The following GGA2 variants were observed in gnomAD, a reference collection of about 807,000 sequenced individuals.
GGA2 encodes the protein ADP-ribosylation factor-binding protein GGA2.
In GGA2, 48 loss-of-function variants were observed where a neutral mutation model predicts 79.5. The ratio of observed to expected loss-of-function variants is 0.60; its 90% CI spans 0.48 to 0.77. The LOEUF is 0.77. Among genes scored for constraint, GGA2 ranks in the 30% least tolerant of loss-of-function variants. GGA2 has a pLI of 0.00. For missense variants in GGA2, 770 were observed against 774.0 expected (o/e 0.99, Z 0.06); for synonymous variants, 317 against 302.0 (o/e 1.05, Z -0.51).
upstream of GGA2, among the ~76,000 whole-genome samples, chr16:23,511,184 ACT>A (rs1368045319): frequency 6.7e-6 from 1 of 149,986 alleles, no homozygotes; most frequent in Admixed American, 6.7e-5. Context: ...ACGGAGTCTC[ACT>A]CTGTCGCCTA....
At chr16:23,511,016 CGTGTGTGTGTGT>C (rs145140640), upstream of GGA2, among the ~76,000 whole-genome samples, 50 of 28,802 alleles carry the variant, frequency 1.7e-3, no homozygotes, top group Non-Finnish European at 1.0e-3. Flanking sequence ...TGGGTTTCAC[CGTGTGTGTGTGT>C]GTGTGTGTGT....
In GGA2 at chr16:23,470,047, G is replaced by C; in HGVS notation, c.1569C>G (p.Ser523Arg). The C allele has an allele frequency of 6.2e-7, 1 of 1,603,666 alleles. No homozygotes were observed. Among genetic ancestry groups the C allele is most frequent in the Non-Finnish European group, 8.5e-7 (1 of 1,175,292 alleles). The change falls in exon 15 of 17, where the codon AGC (serine) becomes AGG (arginine). Residue 523 changes from serine (S) to arginine (R), a missense_variant. Ser to Arg is a moderately radical substitution (Grantham distance 110, BLOSUM62 -1). Coordinates refer to ENST00000309859, the MANE Select transcript of GGA2 (RefSeq NM_015044.4). ...TATCCCAGACAGGCTGGGGAGCCGT[G>C]CTCATCATGGTCAAGAGCAGCACCT... ...EVQVLLLTMM[S>R]TAPQPVWDIM...
upstream of GGA2, among the ~76,000 whole-genome samples, chr16:23,510,948 T>TGTGTGTGTG (rs1965046012): frequency 8.3e-6 from 1 of 121,066 alleles, no homozygotes. Flanking sequence ...TGTGTGTGTG[T>TGTGTGTGTG]TAGAGACTGG....
Position 23,465,584 on chromosome 16 carries a change from G to GGGA in GGA2, c.*2003_*2005dup, listed in dbSNP as rs1764158560. 1 of 607,096 alleles carries GGGA rather than the reference G, an allele frequency of 1.6e-6. No homozygotes were observed. The allele number at this position is 607,096 out of a possible 1,614,324, so 37.6% of individuals were successfully genotyped here. ...CCCATTTTGACCAAAACCCTTCAGAGGGAGATGCTGTCATTATGATGGGTA... is the reference window on the plus strand; with the variant it reads ...CCCATTTTGACCAAAACCCTTCAGAGGGAGGAGATGCTGTCATTATGATGGGTA... On this transcript the variant is annotated 3_prime_UTR_variant, in exon 17 of 17. Transcript: ENST00000309859.
At chr16:23,513,080 T>C (rs1401661171), upstream of GGA2, among the ~76,000 whole-genome samples, 2 of 152,190 alleles carry the variant, frequency 1.3e-5, no homozygotes, top group Non-Finnish European at 2.9e-5. Context: ...GCTTTCCACA[T>C]TTCAACAAAA....
intron 15 of GGA2, chr16:23,469,411 T>C (rs1964482719): frequency 5.8e-6 from 1 of 173,044 alleles, no homozygotes; most frequent in South Asian, 1.5e-4. Flanking sequence ...AAGTAGAGAC[T>C]GCAGGTCATA....
chr16:23,493,371 A>G lies in GGA2; in HGVS notation c.340T>C (p.Leu114=). 6.3e-7 allele frequency: 1 copy of G among 1,597,340 alleles called. No homozygotes were observed. The highest frequency in any genetic ancestry group is 8.6e-7 in the Non-Finnish European group (1 of 1,164,598). ...FRFLNELIKV[L]SPKYLGSWAT... is the part of the protein sequence containing the mutation. ...GCCCAGGTACTCACCTTTGGGGACAACACTTTGATCAGTTCGTTCAGGAAA... is the reference window on the plus strand; with the variant it reads ...GCCCAGGTACTCACCTTTGGGGACAGCACTTTGATCAGTTCGTTCAGGAAA... Residue 114 remains leucine (L), a synonymous_variant, in exon 4 of 17, where the codon TTG becomes CTG. Coordinates refer to ENST00000309859, the MANE Select transcript of GGA2 (RefSeq NM_015044.4).
chr16:23,495,387 A>G (rs1272128953), intron 2 of GGA2: 3 of 195,408 alleles, frequency 1.5e-5, no homozygotes, highest in Admixed American at 1.2e-4. Context: ...TTTCCCCCAC[A>G]TGAATTTGCT....
intron 10 of GGA2, among the ~76,000 whole-genome samples, 168 bp from the exon 11 acceptor site, chr16:23,480,055 G>A (rs370615038): frequency 3.3e-5 from 5 of 152,284 alleles, no homozygotes; most frequent in African/African-American, 9.6e-5. Flanking sequence ...AAGCTCAGCT[G>A]GCATCCAAGA....
chr16:23,484,244 C>T (rs1360124891), intron 8 of GGA2, among the ~76,000 whole-genome samples: 1 of 149,530 alleles, frequency 6.7e-6, no homozygotes, highest in East Asian at 2.0e-4. Context: ...CCTGTCTCTA[C>T]TTAAAAAAAA....
At chr16:23,517,782 G>T (rs1965110515) in intron 2 of GGA2, among the ~76,000 whole-genome samples, 1 of 152,008 alleles carries the variant, frequency 6.6e-6, no homozygotes, top group Non-Finnish European at 1.5e-5. Flanking sequence ...TGTGTTTTTA[G>T]TAGAGACAGG....
In GGA2 at chr16:23,471,171, CACTT is replaced by C. The variant is rs561214585; in HGVS notation, c.1451-1010_1451-1007del. Among the ~76,000 whole-genome samples the C allele has an allele frequency of 9.9e-5, 15 of 152,136 alleles. 1 individual carries two copies. In the South Asian group the frequency reaches 2.9e-3, roughly 30 times the overall value. On this transcript the variant is annotated intron_variant, in intron 14 of 16. Transcript: ENST00000309859. The stretch of plus-strand genomic sequence containing the variant: ...ATTCTTAATTCTACCCAGAAATAAG[CACTT>C]ACTTCCTTCTGGTCTCTTTTATATG...
rs1014136192 is a variant in GGA2, at chr16:23,465,844, G to A, written c.*1746C>T. ...TAGTCCCAGCTACTCGAGAGGCTGA[G>A]GCACGAGAATCGCTTGAACCTGGTA... On this transcript the variant is annotated 3_prime_UTR_variant, in exon 17 of 17. Coordinates refer to ENST00000309859, the MANE Select transcript of GGA2 (RefSeq NM_015044.4). The A allele has an allele frequency of 6.0e-6, 1 of 165,874 alleles. No individual in the cohort carries two copies. The highest frequency in any genetic ancestry group is 1.3e-5 in the Non-Finnish European group (1 of 75,638). The allele number at this position is 165,874 out of a possible 1,614,324, so 10.3% of individuals were successfully genotyped here.
chr16:23,467,440 T>A lies in GGA2; in HGVS notation c.*150A>T. On this transcript the variant is annotated 3_prime_UTR_variant, in exon 17 of 17. Transcript: ENST00000309859. ...CACACACACACACACACACAGAGCA[T>A]CTGCAGAATAAGTCAGAGGTTGACA... 4 of 442,776 alleles carry A rather than the reference T, an allele frequency of 9.0e-6. No individual in the cohort carries two copies. The highest frequency in any genetic ancestry group is 2.8e-5 in the African/African-American group (1 of 35,556). 27.4% of individuals were successfully genotyped at this position (442,776 alleles called of 1,614,324 possible).
intron 12 of GGA2, 168 bp downstream of exon 12, chr16:23,478,715 G>T (rs752879361): frequency 5.4e-6 from 4 of 735,712 alleles, no homozygotes; most frequent in Non-Finnish European, 9.7e-6. Flanking sequence ...GTCTCCCCCA[G>T]GTATCAGCCA....
At chr16:23,491,602 T>C (rs1964788396) in intron 5 of GGA2, 75 bp downstream of exon 5, 1 of 1,421,312 alleles carries the variant, frequency 7.0e-7, no homozygotes, top group East Asian at 2.4e-5. Flanking sequence ...CAACAAAAAA[T>C]TATAAGGCAG....
chr16:23,479,068 C>T, intron 11 of GGA2, 157 bp from the exon 12 acceptor site: 1 of 656,210 alleles, frequency 1.5e-6, no homozygotes, highest in Non-Finnish European at 2.8e-6. Context: ...CAATCTGTGA[C>T]TAATATGCAA....
intron 2 of GGA2, among the ~76,000 whole-genome samples, chr16:23,516,102 G>A (rs575965916): frequency 2.0e-5 from 3 of 152,090 alleles, no homozygotes; most frequent in South Asian, 4.2e-4. Flanking sequence ...CAACTGCCTG[G>A]GCTCAAGTGA....
rs569098009 is a variant in GGA2 at position 23,489,348 on chromosome 16, C to T, written c.476-639G>A. On this transcript the variant is annotated intron_variant, in intron 5 of 16. Transcript: ENST00000309859. ...CTCCTAAGGTCAAGCAGTCCTCTCA[C>T]CTTGGCCTCCCAAGTAGCTGGGACT... Among the ~76,000 whole-genome samples, 4 of 152,300 alleles carry T rather than the reference C, an allele frequency of 2.6e-5. No homozygotes were observed. In the East Asian group the frequency reaches 5.8e-4, roughly 22 times the overall value.
Sources: gnomAD v4.1 joint callset for allele counts (sites outside exome capture counted in the v4.1 genomes callset) on GRCh38, gnomAD v4.1.1 for gene constraint, MANE v1.5 for transcripts, NCBI Gene and HGNC (gene_info 2026-07-23, HGNC 2026-07-21) for gene names.